Variants in MAGI1 observed in about 807,000 individuals in gnomAD.
MAGI1 encodes the protein membrane associated guanylate kinase, WW and PDZ domain containing 1.
In MAGI1, 58 loss-of-function variants were observed where a neutral mutation model predicts 139.9. The observed-to-expected ratio is 0.41, with a 90% CI of 0.34 to 0.52. MAGI1 has a LOEUF of 0.52. Ranked by LOEUF, MAGI1 falls within the 20% of genes least tolerant of loss-of-function variation. MAGI1 has a pLI of 0.12. For missense variants in MAGI1, 1,874 were observed against 1,901.6 expected (o/e 0.99, Z 0.27); for synonymous variants, 812 against 737.9 (o/e 1.10, Z -1.63).
intron 1 of MAGI1, among the ~76,000 whole-genome samples, chr3:65,649,919 T>C (rs1023886383): frequency 2.6e-5 from 4 of 152,188 alleles, no homozygotes; most frequent in South Asian, 2.1e-4. Flanking sequence ...TAAAATGATA[T>C]AGGCACTCTG....
intron 2 of MAGI1, among the ~76,000 whole-genome samples, chr3:65,510,002 C>A (rs943815726): frequency 2.6e-5 from 4 of 152,164 alleles, no homozygotes; most frequent in African/African-American, 9.6e-5. Flanking sequence ...GACCCCTGAC[C>A]CCCGAGCACC....
intron 9 of MAGI1, 125 bp from the exon 10 acceptor site, chr3:65,437,372 G>A (rs1257002322): frequency 1.7e-5 from 8 of 477,752 alleles, no homozygotes; most frequent in Admixed American, 3.9e-5. Context: ...AGATTAAAAA[G>A]AAGTTGTTAT....
intron 5 of MAGI1, among the ~76,000 whole-genome samples, chr3:65,459,444 ACTG>A (rs1325576247): frequency 6.6e-6 from 1 of 152,206 alleles, no homozygotes; most frequent in African/African-American, 2.4e-5. Flanking sequence ...ACGGAATACA[ACTG>A]CTATTTATAT....
chr3:65,359,774 A>G lies in MAGI1; in HGVS notation c.3634+1425T>C, dbSNP rs72883605. The G allele has an allele frequency of 5.1e-4, 502 of 985,744 alleles. 1 individual carries two copies. In the African/African-American group the frequency reaches 8.1e-3, roughly 16 times the overall value. 61.1% of individuals were successfully genotyped at this position (985,744 alleles called of 1,614,324 possible). A position where few individuals can be genotyped will look rare whatever the true frequency, so the allele number is the denominator to read the frequency against. On this transcript the variant is annotated intron_variant, in intron 22 of 22. Coordinates refer to ENST00000402939, the MANE Select transcript of MAGI1 (RefSeq NM_001033057.2). ...TTTAAATGATCTTTATTTTTAGCCC[A>G]AAGAACATTTGTTAGTGTTGGATTT...
At chr3:65,561,086 G>A (rs945070018) in intron 2 of MAGI1, among the ~76,000 whole-genome samples, 6 of 152,122 alleles carry the variant, frequency 3.9e-5, no homozygotes, top group Admixed American at 3.9e-4. Flanking sequence ...TTCTCTAATG[G>A]ACTCTGTACC....
chr3:65,872,082 G>C (rs1221257757), intron 1 of MAGI1, among the ~76,000 whole-genome samples: 2 of 144,244 alleles, frequency 1.4e-5, no homozygotes, highest in African/African-American at 5.6e-5. Context: ...TTCCTAACTG[G>C]GAAAACTGGG....
intron 1 of MAGI1, among the ~76,000 whole-genome samples, chr3:65,745,346 T>C (rs2035613775): frequency 6.6e-6 from 1 of 152,082 alleles, no homozygotes; most frequent in African/African-American, 2.4e-5. Flanking sequence ...CAAGGATTAG[T>C]GGTCAGTAAG....
chr3:65,440,913 TATACACACACACACATATAC>T (rs1948275964), intron 8 of MAGI1, among the ~76,000 whole-genome samples: 4 of 150,686 alleles, frequency 2.7e-5, no homozygotes, highest in African/African-American at 9.9e-5. Context: ...TGTATATATA[TATACACACACACACATATAC>T]ACACACACAA....
At chr3:65,387,161 T>C (rs1159951623) in intron 14 of MAGI1, 1 of 1,614,070 alleles carries the variant, frequency 6.2e-7, no homozygotes. Context: ...TCTCCAAAAT[T>C]CGTGGAATTG....
chr3:65,959,601 T>TTTATCA (rs2064308496), intron 1 of MAGI1, among the ~76,000 whole-genome samples: 1 of 127,334 alleles, frequency 7.9e-6, no homozygotes, highest in Non-Finnish European at 1.6e-5. Context: ...TCCCAGCATT[T>TTTATCA]TTATTATTAT....
intron 3 of MAGI1, among the ~76,000 whole-genome samples, chr3:65,490,035 A>T (rs1018372989): frequency 6.6e-6 from 1 of 152,214 alleles, no homozygotes; most frequent in Non-Finnish European, 1.5e-5. Context: ...CCTGGGAAGT[A>T]AATAAAGACA....
rs114803249 is a variant in MAGI1, at chr3:65,635,046, G to A, written c.314-12958C>T. Among the ~76,000 whole-genome samples, 571 of 152,140 alleles carry A rather than the reference G, an allele frequency of 3.8e-3. 7 individuals are homozygous for A. The highest frequency in any genetic ancestry group is 0.013 in the African/African-American group (531 of 41,462). ...GTTTTGTTGTTTTTTCAACACTAGC[G>A]TGGGTTTGGAAACTTTCAAAGTAAA... On this transcript the variant is annotated intron_variant, in intron 1 of 22. Transcript: ENST00000402939.
intron 1 of MAGI1, among the ~76,000 whole-genome samples, chr3:65,638,579 C>T (rs9835124): frequency 0.058 from 8,216 of 140,828 alleles, 828 homozygotes; most frequent in African/African-American, 0.2. Context: ...TACAGGAGTG[C>T]GCCACCATGC....
chr3:65,547,143 T>C (rs2079543562), intron 2 of MAGI1, among the ~76,000 whole-genome samples: 1 of 152,214 alleles, frequency 6.6e-6, no homozygotes. Context: ...CAAGATTTCT[T>C]GAGCACCTAA....
intron 11 of MAGI1, 85 bp downstream of exon 11, chr3:65,430,614 A>G: frequency 6.8e-7 from 1 of 1,468,410 alleles, no homozygotes; most frequent in East Asian, 2.3e-5. Context: ...GTCTTGCTCA[A>G]ACAAACAACA....
chr3:65,369,551 C>T (rs967933660), intron 18 of MAGI1, among the ~76,000 whole-genome samples: 8 of 150,582 alleles, frequency 5.3e-5, no homozygotes, highest in African/African-American at 1.7e-4. Context: ...CACTGTCTCC[C>T]AGCCTGGAGT....
intron 12 of MAGI1, among the ~76,000 whole-genome samples, chr3:65,403,674 T>TC (rs1395617064): frequency 1.3e-5 from 2 of 152,126 alleles, no homozygotes; most frequent in Non-Finnish European, 2.9e-5. Flanking sequence ...TTGGAAACAA[T>TC]CCCCCATTAG....
intron 1 of MAGI1, among the ~76,000 whole-genome samples, chr3:65,766,457 ATTCTCCAT>A (rs908653569): frequency 2.1e-4 from 32 of 152,066 alleles, no homozygotes; most frequent in Non-Finnish European, 2.9e-5. Context: ...TTGTACAGCT[ATTCTCCAT>A]GTTGGTCAGG....
At chr3:65,874,315 A>AT (rs1553721711) in intron 1 of MAGI1, 2 of 151,998 alleles carry the variant, frequency 1.3e-5, no homozygotes, top group Non-Finnish European at 2.9e-5. Flanking sequence ...GTCTCAAAAA[A>AT]TTTTTTAAGA....
Sources: allele counts gnomAD v4.1 joint callset (sites outside exome capture counted in the v4.1 genomes callset), GRCh38; gene constraint gnomAD v4.1.1; transcripts MANE v1.5; gene names NCBI Gene and HGNC (gene_info 2026-07-23, HGNC 2026-07-21).